The following UBAP1 variants were observed in gnomAD, a reference collection of about 807,000 sequenced individuals.
UBAP1 encodes the protein ubiquitin-associated protein 1.
UBAP1 carries 5 observed loss-of-function variants against 39.0 expected under a neutral mutation model. That is an observed-to-expected ratio of 0.13 (90% CI 0.07 to 0.27). UBAP1 has a LOEUF of 0.27. Ranked by LOEUF, UBAP1 falls within the 10% of genes least tolerant of loss-of-function variation. The probability of loss-of-function intolerance (pLI) is 1.00; values close to 1 mark genes in which losing one functional copy is unlikely to be tolerated. For missense variants in UBAP1, 490 were observed against 608.1 expected, an observed-to-expected ratio of 0.81 and a Z score of 2.04; for synonymous variants, 211 against 225.1, an observed-to-expected ratio of 0.94 and a Z score of 0.56.
chr9:34,181,524 C>T (rs1830031881), intron 1 of UBAP1, among the ~76,000 whole-genome samples: 1 of 151,404 alleles, frequency 6.6e-6, no homozygotes. Context: ...GCTCTGCCTC[C>T]CGCGTTCACG....
intron 1 of UBAP1, among the ~76,000 whole-genome samples, chr9:34,184,133 C>T (rs943624096): frequency 6.6e-6 from 1 of 152,032 alleles, no homozygotes; most frequent in Admixed American, 6.6e-5. Context: ...TAGTGCTCTT[C>T]CAACCTGTAA....
intron 3 of UBAP1, among the ~76,000 whole-genome samples, chr9:34,234,638 G>T (rs111356751): frequency 0.014 from 2,067 of 149,302 alleles, 31 homozygotes; most frequent in African/African-American, 0.041. Flanking sequence ...AAAAATGATA[G>T]ATATATATAT....
chr9:34,180,105 A>G (rs1829931901), intron 1 of UBAP1, among the ~76,000 whole-genome samples: 2 of 152,204 alleles, frequency 1.3e-5, no homozygotes, highest in Admixed American at 6.6e-5. Flanking sequence ...GAGAATTTGA[A>G]TAGATATGAT....
rs773085058 is a variant in UBAP1 at position 34,251,418 on chromosome 9, C to T, written c.1395C>T (p.Ser465=). 1.2e-6 allele frequency: 2 copies of T among 1,614,140 alleles called. No individual in the cohort carries two copies. The highest frequency in any genetic ancestry group is 1.7e-6 in the Non-Finnish European group (2 of 1,180,030). The change falls in exon 7 of 7, where the codon AGC becomes AGT. Residue 465 remains serine, a synonymous_variant. Coordinates refer to ENST00000297661, the MANE Select transcript of UBAP1 (RefSeq NM_016525.5). The part of the protein sequence containing the change: ...EKMMEFLQLM[S]KFKEMGFELK... ...TGATGGAGTTTCTTCAGTTAATGAG[C>T]AAATTTAAGGAGATGGGCTTTGAGC...
At chr9:34,180,409 G>A (rs1829951391) in intron 1 of UBAP1, among the ~76,000 whole-genome samples, 1 of 151,898 alleles carries the variant, frequency 6.6e-6, no homozygotes, top group African/African-American at 2.4e-5. Context: ...TCGGGTGGCC[G>A]AGGCAGGAGA....
intron 1 of UBAP1, among the ~76,000 whole-genome samples, chr9:34,207,110 G>A (rs1831749341): frequency 8.0e-6 from 1 of 125,100 alleles, no homozygotes; most frequent in Non-Finnish European, 1.6e-5. Flanking sequence ...GGAGTGCAAT[G>A]GTGTGAGCTC....
intron 1 of UBAP1, among the ~76,000 whole-genome samples, chr9:34,209,644 T>C (rs1305721099): frequency 1.3e-5 from 2 of 152,252 alleles, no homozygotes; most frequent in Non-Finnish European, 2.9e-5. Context: ...TAGAAACCAC[T>C]GATTTATTCT....
rs1421477758 is a variant in UBAP1, at chr9:34,241,786, T to G, written c.761T>G (p.Leu254Arg). Residue 254 changes from leucine (L) to arginine (R), a missense_variant, in exon 4 of 7, where the codon CTC (leucine) becomes CGC (arginine). By Grantham distance (102) the Leu-to-Arg change is moderately radical. This residue lies in a region of UBAP1 where 339 missense variants were observed against 390.0 expected (regional missense o/e 0.87). Transcript: ENST00000297661. Reference sequence around the variant, plus strand: ...ATGTCACTGTCTTCCAAAGTGTCCCTCCCCCCTATACCTGCAGTAAGCAAT... The same window carrying G: ...ATGTCACTGTCTTCCAAAGTGTCCCGCCCCCCTATACCTGCAGTAAGCAAT... ...EKMSLSSKVS[L>R]PPIPAVSNIK... 1.9e-6 allele frequency: 3 copies of G among 1,613,872 alleles called. No homozygotes were observed. The highest frequency in any genetic ancestry group is 2.5e-6 in the Non-Finnish European group (3 of 1,179,952).
chr9:34,182,664 T>TTTCTTTCTTTC (rs1830134003), intron 1 of UBAP1, among the ~76,000 whole-genome samples: 1 of 62,502 alleles, frequency 1.6e-5, no homozygotes, highest in African/African-American at 3.9e-5. Context: ...TCTTTCTTTC[T>TTTCTTTCTTTC]TTCTTTCTTT....
intron 2 of UBAP1, among the ~76,000 whole-genome samples, chr9:34,222,855 A>G (rs1033530871): frequency 1.3e-5 from 2 of 152,180 alleles, no homozygotes; most frequent in African/African-American, 4.8e-5. Context: ...AGGGAAAAAA[A>G]GGCAGATCTG....
At chr9:34,181,116 CTTTTTTT>C (rs67856544) in intron 1 of UBAP1, among the ~76,000 whole-genome samples, 1 of 72,238 alleles carries the variant, frequency 1.4e-5, no homozygotes, top group African/African-American at 5.3e-5. Context: ...GGCCTGTTTT[CTTTTTTT>C]TTTTTTTTTT....
chr9:34,183,695 A>G (rs1034538604), intron 1 of UBAP1, among the ~76,000 whole-genome samples: 2 of 151,958 alleles, frequency 1.3e-5, no homozygotes, highest in African/African-American at 4.8e-5. Flanking sequence ...TACCAAAACA[A>G]ATGAAAATCC....
At chr9:34,185,855 A>AAAAC (rs377178327) in intron 1 of UBAP1, among the ~76,000 whole-genome samples, 211 of 152,344 alleles carry the variant, frequency 1.4e-3, no homozygotes, top group Middle Eastern at 3.4e-3. Flanking sequence ...CAAAAAAAGA[A>AAAAC]AAACAAACAA....
In UBAP1 at chr9:34,241,457, T is replaced by A. The variant is rs367553437; in HGVS notation, c.432T>A (p.Val144=). 6.2e-7 allele frequency: 1 copy of A among 1,610,996 alleles called. No homozygotes were observed. ...GCAGTAGTGCCACGAAACAGAAAGT[T>A]CTCAGCCCACCTCACATAAAGGCGG... The part of the protein sequence containing the change: ...RVSSSATKQK[V]LSPPHIKADF... The change falls in exon 4 of 7, where the codon GTT becomes GTA. Residue 144 remains valine (V), a synonymous_variant. Transcript: ENST00000297661.
intron 1 of UBAP1, among the ~76,000 whole-genome samples, chr9:34,182,620 T>C (rs183021561): frequency 1.4e-3 from 41 of 29,252 alleles, no homozygotes; most frequent in Admixed American, 2.9e-3. Context: ...TCTTTCCTTC[T>C]TTCTTTCTTT....
intron 1 of UBAP1, among the ~76,000 whole-genome samples, chr9:34,203,462 A>G (rs1248697305): frequency 4.6e-5 from 7 of 152,206 alleles, no homozygotes; most frequent in African/African-American, 1.7e-4. Flanking sequence ...ACTGAGCACT[A>G]CTGTGGCCGG....
At chr9:34,195,786 G>C (rs1029171098) in intron 1 of UBAP1, among the ~76,000 whole-genome samples, 2 of 151,462 alleles carry the variant, frequency 1.3e-5, no homozygotes, top group African/African-American at 4.8e-5. Context: ...TAGTAGAGAC[G>C]GGGTTTCTCC....
In UBAP1 at chr9:34,220,960, A is replaced by G. The variant is rs747323593; in HGVS notation, c.34+12A>G. 12 of 1,610,500 alleles carry G rather than the reference A, an allele frequency of 7.5e-6. No homozygotes were observed. The African/African-American group carries it at 1.5e-4, about 20-fold the overall frequency. On this transcript the variant is annotated intron_variant, in intron 2 of 6. Transcript: ENST00000297661. ...TGCAGATTTTCATGGTAAGTGGACTATTAGAATCATGGTTTAAGTTATGAT... is the reference window on the plus strand; with the variant it reads ...TGCAGATTTTCATGGTAAGTGGACTGTTAGAATCATGGTTTAAGTTATGAT...
chr9:34,230,686 A>G, intron 2 of UBAP1, among the ~76,000 whole-genome samples: 1 of 152,200 alleles, frequency 6.6e-6, no homozygotes. Context: ...ATCAACACTT[A>G]GTTTTGTTGG....
Sources: gnomAD v4.1 joint callset for allele counts (sites outside exome capture counted in the v4.1 genomes callset) on GRCh38, gnomAD v4.1.1 for gene constraint, gnomAD v4.1.1 regional missense constraint, MANE v1.5 for transcripts, NCBI Gene and HGNC (gene_info 2026-07-23, HGNC 2026-07-21) for gene names.